GPCPD1: variants seen among roughly 807,000 people sequenced by gnomAD.
GPCPD1 encodes glycerophosphocholine phosphodiesterase 1, also known as glycerophosphocholine phosphodiesterase GPCPD1.
A neutral mutation model predicts 89.2 loss-of-function variants in GPCPD1; 29 were observed. The ratio of observed to expected loss-of-function variants is 0.33; its 90% CI spans 0.24 to 0.44. The LOEUF is 0.44. Ranked by LOEUF, GPCPD1 falls within the 20% of genes least tolerant of loss-of-function variation. The pLI, the probability that GPCPD1 is intolerant of heterozygous loss-of-function variation, is 1.00. For missense variants in GPCPD1, 594 were observed against 808.9 expected (o/e 0.73, Z 3.22); for synonymous variants, 258 against 266.3 (o/e 0.97, Z 0.30).
chr20:5,554,134 A>AATTATT lies in GPCPD1; in HGVS notation c.1829+3805_1829+3810dup, dbSNP rs543486729. ...CAGGCGCCCGCCACCACGCCCGGCT[A>AATTATT]ATTATTATTATTATTATTATTTTGT... is the stretch of plus-strand genomic sequence containing the variant. On this transcript the variant is annotated intron_variant, in intron 19 of 19. Transcript: ENST00000379019. 3.0e-5 allele frequency among the ~76,000 whole-genome samples: 4 copies of AATTATT among 132,802 alleles called. No individual in the cohort carries two copies. The South Asian group carries it at 7.3e-4, about 24-fold the overall frequency. 87.1% of individuals were successfully genotyped at this position (132,802 alleles called of 152,430 possible).
intron 1 of GPCPD1, among the ~76,000 whole-genome samples, chr20:5,609,132 T>C (rs188282254): frequency 2.4e-3 from 362 of 152,332 alleles, no homozygotes; most frequent in African/African-American, 8.4e-3. Context: ...TTAGCTAAAG[T>C]GTTTTTTTGG....
intron 4 of GPCPD1, among the ~76,000 whole-genome samples, chr20:5,587,551 A>G (rs1419952426): frequency 6.6e-6 from 1 of 152,112 alleles, no homozygotes; most frequent in Non-Finnish European, 1.5e-5. Flanking sequence ...TATTTTTAGT[A>G]GAGATGGGGC....
At chr20:5,605,374 C>G (rs562695235) in intron 1 of GPCPD1, among the ~76,000 whole-genome samples, 40 of 152,268 alleles carry the variant, frequency 2.6e-4, no homozygotes, top group Non-Finnish European at 5.4e-4. Context: ...TCTACTTTAA[C>G]ACAAAGGAAA....
intron 13 of GPCPD1, 68 bp downstream of exon 13, chr20:5,567,409 ACATAAC>A: frequency 6.7e-7 from 1 of 1,481,874 alleles, no homozygotes. Flanking sequence ...TGCAAAGAGA[ACATAAC>A]CATATACAAG....
chr20:5,581,300 A>C (rs1600762625), intron 6 of GPCPD1, among the ~76,000 whole-genome samples: 1 of 152,342 alleles, frequency 6.6e-6, no homozygotes, highest in East Asian at 1.9e-4. Flanking sequence ...GTAGGGGGAA[A>C]AATTAAATGA....
At chr20:5,552,385 A>C (rs1985468004) in intron 19 of GPCPD1, among the ~76,000 whole-genome samples, 1 of 152,178 alleles carries the variant, frequency 6.6e-6, no homozygotes, top group East Asian at 1.9e-4. Context: ...TAAAGCTCCA[A>C]GCCAGGAAGA....
chr20:5,561,540 T>C lies in GPCPD1; in HGVS notation c.1330-10A>G. 1.9e-6 allele frequency: 3 copies of C among 1,559,490 alleles called. No homozygotes were observed. Among genetic ancestry groups the C allele is most frequent in the Non-Finnish European group, 1.8e-6 (2 of 1,135,236 alleles). On this transcript the variant is annotated splice_polypyrimidine_tract_variant and intron_variant, in intron 15 of 19. Coordinates refer to ENST00000379019, the MANE Select transcript of GPCPD1 (RefSeq NM_019593.5). Reference sequence around the variant, plus strand: ...GCAAAGACTCTAAAACCTACAGTTTTGTTTGTTGGTAAATTTTGTTTTTGA... The same window carrying C: ...GCAAAGACTCTAAAACCTACAGTTTCGTTTGTTGGTAAATTTTGTTTTTGA...
rs151177913 is a variant in GPCPD1, at chr20:5,564,513, G to A, written c.1329+504C>T. On this transcript the variant is annotated intron_variant, in intron 15 of 19. Coordinates refer to ENST00000379019, the MANE Select transcript of GPCPD1 (RefSeq NM_019593.5). ...TACTCTTGGGGAAAGAAAAAAAGTA[G>A]CACAAGTATACTACACAAGAATGAA... Among the ~76,000 whole-genome samples, 276 of 152,118 alleles carry A rather than the reference G, an allele frequency of 1.8e-3. 2 individuals are homozygous for A. Among genetic ancestry groups the A allele is most frequent in the Admixed American group, 0.01 (160 of 15,272 alleles).
chr20:5,589,232 A>C (rs750342805), intron 4 of GPCPD1, among the ~76,000 whole-genome samples: 6 of 152,244 alleles, frequency 3.9e-5, no homozygotes, highest in Non-Finnish European at 7.3e-5. Context: ...ACCTAGTTTT[A>C]AAATACACTG....
At chr20:5,597,175 A>G (rs1979791159) in intron 3 of GPCPD1, among the ~76,000 whole-genome samples, 1 of 152,214 alleles carries the variant, frequency 6.6e-6, no homozygotes, top group Non-Finnish European at 1.5e-5. Flanking sequence ...TTATAAGGAG[A>G]GCTGAGAATT....
At position 5,546,952 on chromosome 20, in the gene GPCPD1, T is replaced by C. The variant is rs1985058273; in HGVS notation, c.*709A>G. 1.3e-5 allele frequency: 2 copies of C among 152,672 alleles called. No homozygotes were observed. Among genetic ancestry groups the C allele is most frequent in the Admixed American group, 6.5e-5 (1 of 15,288 alleles). 9.5% of individuals were successfully genotyped at this position (152,672 alleles called of 1,614,324 possible). ...ATGTTGTGATCTATTCTACTAAGTA[T>C]GCAATACATACTTTTTCTTACTAAT... On this transcript the variant is annotated 3_prime_UTR_variant, in exon 20 of 20. Transcript: ENST00000379019.
intron 4 of GPCPD1, among the ~76,000 whole-genome samples, chr20:5,587,720 G>A (rs898329025): frequency 1.3e-5 from 2 of 151,992 alleles, no homozygotes; most frequent in Non-Finnish European, 2.9e-5. Flanking sequence ...TCTTTAGAAG[G>A]CATTAATAAT....
intron 19 of GPCPD1, among the ~76,000 whole-genome samples, chr20:5,551,342 T>G (rs1251730790): frequency 6.6e-6 from 1 of 152,236 alleles, no homozygotes; most frequent in Non-Finnish European, 1.5e-5. Flanking sequence ...GGTGCATACT[T>G]GTAAATATAC....
chr20:5,604,224 T>C, intron 2 of GPCPD1, 140 bp downstream of exon 2: 1 of 597,352 alleles, frequency 1.7e-6, no homozygotes, highest in Admixed American at 3.1e-5. Flanking sequence ...CAAGCACATT[T>C]CTGCTGTCAG....
At chr20:5,577,232 T>C (rs1012358100) in intron 8 of GPCPD1, among the ~76,000 whole-genome samples, 2 of 151,846 alleles carry the variant, frequency 1.3e-5, no homozygotes, top group East Asian at 1.9e-4. Flanking sequence ...GCCTGGCTAA[T>C]TTTTGTATTC....
intron 15 of GPCPD1, 124 bp downstream of exon 15, chr20:5,564,893 A>G (rs1242964150): frequency 1.5e-6 from 1 of 685,934 alleles, no homozygotes; most frequent in Non-Finnish European, 2.6e-6. Context: ...ACCAATGATG[A>G]TAAATTCATA....
intron 16 of GPCPD1, among the ~76,000 whole-genome samples, chr20:5,560,463 A>C (rs1986022936): frequency 6.6e-6 from 1 of 152,204 alleles, no homozygotes; most frequent in African/African-American, 2.4e-5. Flanking sequence ...TGTCCCTACT[A>C]ATTATTAATT....
chr20:5,601,411 C>T (rs1306261188), intron 2 of GPCPD1, among the ~76,000 whole-genome samples: 2 of 140,478 alleles, frequency 1.4e-5, no homozygotes, highest in Non-Finnish European at 3.0e-5. Flanking sequence ...CTCCATCGCC[C>T]AGGCTGGAGT....
intron 4 of GPCPD1, among the ~76,000 whole-genome samples, chr20:5,588,381 T>C (rs1979076544): frequency 6.6e-6 from 1 of 151,842 alleles, no homozygotes; most frequent in Non-Finnish European, 1.5e-5. Flanking sequence ...GGCACACAAC[T>C]GTAGTCCCAG....
Sources: allele counts gnomAD v4.1 joint callset (sites outside exome capture counted in the v4.1 genomes callset), GRCh38; gene constraint gnomAD v4.1.1; transcripts MANE v1.5; gene names NCBI Gene and HGNC (gene_info 2026-07-23, HGNC 2026-07-21).